The following KIF17 variants were observed in gnomAD, a reference collection of about 807,000 sequenced individuals.
KIF17 encodes the protein kinesin family member 17, also known as kinesin-like protein KIF17.
A neutral mutation model predicts 96.8 loss-of-function variants in KIF17; 80 were observed. That is an observed-to-expected ratio of 0.83 (90% CI 0.69 to 1.00). The LOEUF is 1.00. Ranked by LOEUF, KIF17 falls within the 50% of genes least tolerant of loss-of-function variation. KIF17 has a pLI of 0.00. For synonymous variants in KIF17, 567 were observed against 587.5 expected (o/e 0.97, Z 0.51); for missense variants, 1,280 against 1,372.9 (o/e 0.93, Z 1.07).
intron 6 of KIF17, among the ~76,000 whole-genome samples, chr1:20,694,568 G>C (rs555280213): frequency 6.6e-6 from 1 of 152,334 alleles, no homozygotes; most frequent in African/African-American, 2.4e-5. Flanking sequence ...GACAAGGACA[G>C]GGATGGCGTG....
At chr1:20,693,975 G>A (rs1368746597) in intron 6 of KIF17, 1 of 152,186 alleles carries the variant, frequency 6.6e-6, no homozygotes, top group East Asian at 1.9e-4. Flanking sequence ...AATCTCAGGA[G>A]CTGCTTTTTC....
intron 14 of KIF17, among the ~76,000 whole-genome samples, 198 bp downstream of exon 14, chr1:20,666,016 C>T (rs1444857283): frequency 6.6e-6 from 1 of 152,188 alleles, no homozygotes. Context: ...GCACCAGCGC[C>T]CGGGCTGGGC....
Position 20,672,861 on chromosome 1 carries a change from C to T in KIF17, c.2464-665G>A, listed in dbSNP as rs1170409987. ...CCAGCCCCAGCCATAACCACCCTCT[C>T]CCTGAGCCCCAAGACTACCTGGTGC... On this transcript the variant is annotated intron_variant, in intron 11 of 14. Transcript: ENST00000400463. The surrounding 1 kb of genome is among the most constrained non-coding windows in gnomAD (Gnocchi z 4.3). The T allele has an allele frequency of 6.2e-6, 1 of 162,086 alleles. No homozygotes were observed. Among genetic ancestry groups the T allele is most frequent in the African/African-American group, 2.4e-5 (1 of 41,590 alleles). The allele number at this position is 162,086 out of a possible 1,614,324, so 10.0% of individuals were successfully genotyped here. A position where few individuals can be genotyped will look rare whatever the true frequency, so the allele number is the denominator to read the frequency against.
chr1:20,712,902 T>TTATAGATA (rs767342787), intron 3 of KIF17, among the ~76,000 whole-genome samples: 3,030 of 109,190 alleles, frequency 0.028, 171 homozygotes, highest in South Asian at 0.037. Context: ...TAATATTATC[T>TTATAGATA]ATATTATATA....
chr1:20,675,183 C>T (rs2053716387), intron 11 of KIF17, among the ~76,000 whole-genome samples: 1 of 146,768 alleles, frequency 6.8e-6, no homozygotes, highest in South Asian at 2.2e-4. Flanking sequence ...TGCGGTGGCT[C>T]ATGCCTATAA....
At chr1:20,707,789 G>A (rs1303384029) in intron 4 of KIF17, among the ~76,000 whole-genome samples, 44 of 13,646 alleles carry the variant, frequency 3.2e-3, no homozygotes, top group African/African-American at 4.3e-3. Context: ...CAATGTGTAT[G>A]TGTGTGTGTG....
chr1:20,686,121 A>G lies in KIF17; in HGVS notation c.1944T>C (p.Pro648=), dbSNP rs1450903859. 13 of 1,566,446 alleles carry G rather than the reference A, an allele frequency of 8.3e-6. 1 individual carries two copies. In the South Asian group the frequency reaches 1.3e-4, roughly 16 times the overall value. The part of the protein sequence containing the change: ...ADVPKVPVQV[P]APTDLLEPSD... ...TGGGCTCCAGCAGGTCTGTCGGCGC[A>G]GGGACCTGGGAGGAAAGAGGGGATG... Residue 648 remains proline (P), a synonymous_variant, in exon 9 of 15, where the codon CCT becomes CCC. Coordinates refer to ENST00000400463, the MANE Select transcript of KIF17 (RefSeq NM_001122819.3).
chr1:20,698,986 G>T (rs1032437126), intron 5 of KIF17, among the ~76,000 whole-genome samples: 1 of 152,130 alleles, frequency 6.6e-6, no homozygotes, highest in Non-Finnish European at 1.5e-5. Context: ...GTCTTGCTCT[G>T]CCACCCAAGC....
chr1:20,692,776 CTTT>C (rs35531322), intron 6 of KIF17: 11 of 139,416 alleles, frequency 7.9e-5, no homozygotes, highest in East Asian at 2.1e-4. Flanking sequence ...GGGACTCTTT[CTTT>C]TTTTTTTTTT....
At chr1:20,690,361 G>C in intron 6 of KIF17, 26 bp from the exon 7 acceptor site, 1 of 1,584,240 alleles carries the variant, frequency 6.3e-7, no homozygotes, top group East Asian at 2.3e-5. Context: ...GGACCAGAGG[G>C]CAGGCAGCAT....
chr1:20,663,973 G>GT, downstream of KIF17: 4 of 160,684 alleles, frequency 2.5e-5, no homozygotes, highest in South Asian at 1.7e-4. Context: ...TGGCAGGGAG[G>GT]GGCCCCAAGT....
chr1:20,687,725 A>G lies in KIF17; in HGVS notation c.1601T>C (p.Ile534Thr). ...LPKVEPSKSE[I>T]SLGSSESSSL... ...GGATGACTCACTGGAGCCCAGAGAAATCTCAGATTTGGAGGGTTCCACCTT... is the reference window on the plus strand; with the variant it reads ...GGATGACTCACTGGAGCCCAGAGAAGTCTCAGATTTGGAGGGTTCCACCTT... Residue 534 changes from isoleucine to threonine, a missense_variant, in exon 8 of 15, where the codon ATT (isoleucine) becomes ACT (threonine). By Grantham distance (89) the Ile-to-Thr change is moderately conservative (BLOSUM62 -1). Transcript: ENST00000400463. The surrounding 1 kb of genome is among the most constrained non-coding windows in gnomAD (Gnocchi z 4.4). 1.2e-6 allele frequency: 2 copies of G among 1,614,136 alleles called. No individual in the cohort carries two copies. Among genetic ancestry groups the G allele is most frequent in the Non-Finnish European group, 1.7e-6 (2 of 1,180,022 alleles).
rs2053876725 is a variant in KIF17 at position 20,683,771 on chromosome 1, T to C, written c.2232-887A>G. On this transcript the variant is annotated intron_variant, in intron 10 of 14. Transcript: ENST00000400463. Reference sequence around the variant, plus strand: ...ATCTCCCCTGCACCCCACTCTGCGGTTCACTCCAGCTTTCACTCACGGCTG... The same window carrying C: ...ATCTCCCCTGCACCCCACTCTGCGGCTCACTCCAGCTTTCACTCACGGCTG... Among the ~76,000 whole-genome samples the C allele has an allele frequency of 2.0e-5, 3 of 152,156 alleles. No individual in the cohort carries two copies. In the South Asian group the frequency reaches 6.2e-4, roughly 32 times the overall value.
At chr1:20,714,184 A>G (rs1223742155) in intron 2 of KIF17, among the ~76,000 whole-genome samples, 2 of 152,186 alleles carry the variant, frequency 1.3e-5, no homozygotes, top group African/African-American at 4.8e-5. Context: ...AAAATTAGCC[A>G]GGCATGGTGG....
chr1:20,662,741 C>T (rs1055311378), downstream of KIF17, among the ~76,000 whole-genome samples: 4 of 152,240 alleles, frequency 2.6e-5, no homozygotes, highest in Non-Finnish European at 4.4e-5. Context: ...TTGCTCAGGG[C>T]TTCCATGGAA....
At chr1:20,710,106 T>C (rs541782551) in intron 3 of KIF17, among the ~76,000 whole-genome samples, 51 of 152,232 alleles carry the variant, frequency 3.4e-4, no homozygotes, top group Admixed American at 1.2e-3. Flanking sequence ...AGCTATCTCA[T>C]AGGATATGGG....
At chr1:20,691,344 A>G (rs576458548) in intron 6 of KIF17, among the ~76,000 whole-genome samples, 1 of 152,182 alleles carries the variant, frequency 6.6e-6, no homozygotes, top group South Asian at 2.1e-4. Context: ...TAGGGGTCTC[A>G]CTGTGTTGCC....
chr1:20,712,372 T>C (rs10916850), intron 3 of KIF17, among the ~76,000 whole-genome samples: 2,747 of 151,102 alleles, frequency 0.018, 75 homozygotes, highest in African/African-American at 0.062. Context: ...AGAAAAACTC[T>C]AGGTGGGAGG....
rs1257583144 is a variant in KIF17, at chr1:20,717,423, C to T, written c.231+53G>A. The T allele has an allele frequency of 4.4e-6, 7 of 1,599,552 alleles. No individual in the cohort carries two copies. In the Admixed American group the frequency reaches 8.4e-5, roughly 19 times the overall value. ...GGCAGCGCAGCCCCCTGGGGACTCTCGGGGCGGCCTCATGCCCTGCCGCCT... is the reference window on the plus strand; with the variant it reads ...GGCAGCGCAGCCCCCTGGGGACTCTTGGGGCGGCCTCATGCCCTGCCGCCT... On this transcript the variant is annotated intron_variant, in intron 1 of 14. Transcript: ENST00000400463.
Sources: allele counts gnomAD v4.1 joint callset (sites outside exome capture counted in the v4.1 genomes callset), GRCh38; gene constraint gnomAD v4.1.1; non-coding constraint Gnocchi (gnomAD v3.1); transcripts MANE v1.5; gene names NCBI Gene and HGNC (gene_info 2026-07-23, HGNC 2026-07-21).